Variants in ZNF254 observed in about 807,000 individuals in gnomAD.
The protein encoded by ZNF254 is zinc finger protein 254.
Under a neutral mutation model 12.4 loss-of-function variants are expected in ZNF254, and 10 were observed. That is an observed-to-expected ratio of 0.80 (90% CI 0.50 to 1.36). ZNF254 has a LOEUF of 1.36. Ranked by LOEUF, ZNF254 falls within the 40% of genes most tolerant of loss-of-function variation. ZNF254 has a pLI of 0.00. For missense variants in ZNF254, 996 were observed against 763.9 expected (o/e 1.30, Z -3.58); for synonymous variants, 305 against 253.4 (o/e 1.20, Z -1.93).
Position 24,126,319 on chromosome 19 carries a change from G to T in ZNF254, c.319G>T (p.Ala107Ser). 6.3e-7 allele frequency: 1 copy of T among 1,597,064 alleles called. No homozygotes were observed. The highest frequency in any genetic ancestry group is 8.5e-7 in the Non-Finnish European group (1 of 1,173,066). Residue 107 changes from alanine to serine, a missense_variant, in exon 4 of 4, where the codon GCA (alanine) becomes TCA (serine). Transcript: ENST00000357002. ...GGGCATGGAAGATTCTTTTCAAAAAGCAATACTGAGAAGATATGGAAAATA... is the reference window on the plus strand; with the variant it reads ...GGGCATGGAAGATTCTTTTCAAAAATCAATACTGAGAAGATATGGAAAATA... ...EQGMEDSFQK[A>S]ILRRYGKYGH...
chr19:24,119,590 G>A (rs1974343143), intron 3 of ZNF254, among the ~76,000 whole-genome samples: 2 of 151,986 alleles, frequency 1.3e-5, no homozygotes, highest in African/African-American at 4.8e-5. Flanking sequence ...CCCAAACTTA[G>A]AAGATTCTCT....
intron 3 of ZNF254, chr19:24,107,153 G>T: frequency 1.7e-6 from 1 of 588,796 alleles, no homozygotes; most frequent in Non-Finnish European, 3.0e-6. Flanking sequence ...CTTCTGCTTT[G>T]TTCTTTTTCC....
At chr19:24,080,109 G>A (rs1251588888) in intron 2 of ZNF254, 1 of 152,182 alleles carries the variant, frequency 6.6e-6, no homozygotes, top group East Asian at 1.9e-4. Context: ...AACTTCTCTG[G>A]AACAGCTTTG....
chr19:24,089,189 T>G (rs1340479275), intron 1 of ZNF254, among the ~76,000 whole-genome samples: 2 of 152,124 alleles, frequency 1.3e-5, no homozygotes, highest in Non-Finnish European at 2.9e-5. Context: ...TTGGTCAGGC[T>G]GGTCTCAAAC....
At position 24,127,775 on chromosome 19, in the gene ZNF254, A is replaced by G. The variant is rs538264341; in HGVS notation, c.1775A>G (p.His592Arg). The G allele has an allele frequency of 6.8e-6, 11 of 1,612,620 alleles. No homozygotes were observed. Among genetic ancestry groups the G allele is most frequent in the Middle Eastern group, 1.7e-4 (1 of 6,052 alleles). Residue 592 changes from histidine to arginine, a missense_variant, in exon 4 of 4, where the codon CAT becomes CGT. Physicochemically the swap from His to Arg is conservative, Grantham distance 29 (BLOSUM62 0). Coordinates refer to ENST00000357002, the MANE Select transcript of ZNF254 (RefSeq NM_203282.4). ...AACCGGTCTTCAACTTTTACTAAAC[A>G]TAAGGTAATTCATACTGGAGTAAAA... The part of the protein sequence containing the change: ...SFNRSSTFTK[H>R]KVIHTGVKPY...
chr19:24,057,854 A>G (rs10403038), intron 2 of ZNF254, among the ~76,000 whole-genome samples: 23,152 of 152,226 alleles, frequency 0.15, 2,772 homozygotes, highest in African/African-American at 0.33. Context: ...GATTTAACAT[A>G]CAGGAGGTGT....
At chr19:24,126,215 G>A in intron 3 of ZNF254, 39 bp from the exon 4 acceptor site, 1 of 1,318,746 alleles carries the variant, frequency 7.6e-7, no homozygotes, top group South Asian at 2.3e-5. Flanking sequence ...TGTGAGTCTA[G>A]TAAGTGGAGT....
chr19:24,048,306 C>A (rs1302509780), intron 2 of ZNF254, among the ~76,000 whole-genome samples: 1 of 152,166 alleles, frequency 6.6e-6, no homozygotes, highest in Non-Finnish European at 1.5e-5. Flanking sequence ...GAATAAGTTT[C>A]CAACGGGGAC....
Position 24,090,162 on chromosome 19 carries a change from C to T in ZNF254, c.30+2825C>T, listed in dbSNP as rs558637400. ...GCAGTGAGTGGATATCACGCCACTG[C>T]ACTCCAGCCTGGGCGACAGAGTGAG... On this transcript the variant is annotated intron_variant, in intron 1 of 3. Transcript: ENST00000357002. Among the ~76,000 whole-genome samples the T allele has an allele frequency of 2.6e-3, 394 of 152,164 alleles. 3 individuals are homozygous for T. In the Middle Eastern group the frequency reaches 0.038, roughly 15 times the overall value.
chr19:24,078,332 A>G (rs542850154), intron 2 of ZNF254: 5 of 152,240 alleles, frequency 3.3e-5, no homozygotes, highest in African/African-American at 9.6e-5. Context: ...CTTTAAAGAC[A>G]TTTACTTTCT....
intron 1 of ZNF254, among the ~76,000 whole-genome samples, chr19:24,093,847 T>A (rs2145699620): frequency 6.6e-6 from 1 of 152,296 alleles, no homozygotes; most frequent in African/African-American, 2.4e-5. Context: ...TTGATTAGAA[T>A]AGCATTAAAT....
At chr19:24,115,770 G>T (rs1386303060) in intron 3 of ZNF254, among the ~76,000 whole-genome samples, 1 of 152,148 alleles carries the variant, frequency 6.6e-6, no homozygotes, top group African/African-American at 2.4e-5. Flanking sequence ...CTCGTTAGTT[G>T]ATGCAGTGTC....
At chr19:24,084,220 A>G (rs1384519026), upstream of ZNF254, among the ~76,000 whole-genome samples, 5 of 149,542 alleles carry the variant, frequency 3.3e-5, no homozygotes, top group Non-Finnish European at 5.9e-5. Flanking sequence ...ATGCTACTCA[A>G]TCATAACAAG....
intron 1 of ZNF254, among the ~76,000 whole-genome samples, chr19:24,037,186 G>T (rs1266813026): frequency 2.6e-5 from 4 of 152,154 alleles, no homozygotes; most frequent in Admixed American, 1.3e-4. Flanking sequence ...ACGGGTCCTT[G>T]ATAGCACCTT....
upstream of ZNF254, among the ~76,000 whole-genome samples, chr19:24,085,203 A>C (rs1047049043): frequency 6.6e-6 from 1 of 151,528 alleles, no homozygotes; most frequent in African/African-American, 2.4e-5. Context: ...AAGTGCTGGG[A>C]CTACAGGCGT....
chr19:24,117,312 G>A (rs548557496), intron 3 of ZNF254, among the ~76,000 whole-genome samples: 38 of 152,282 alleles, frequency 2.5e-4, no homozygotes, highest in African/African-American at 8.9e-4. Flanking sequence ...GCCTACAGAG[G>A]CAGGCAGGCC....
intron 2 of ZNF254, among the ~76,000 whole-genome samples, chr19:24,057,202 T>C (rs1338677224): frequency 2.0e-5 from 3 of 152,210 alleles, no homozygotes; most frequent in African/African-American, 7.2e-5. Flanking sequence ...TATGCACACT[T>C]TGCCAATTGT....
At chr19:24,100,898 G>C (rs1972986147) in intron 1 of ZNF254, among the ~76,000 whole-genome samples, 1 of 150,680 alleles carries the variant, frequency 6.6e-6, no homozygotes, top group Non-Finnish European at 1.5e-5. Context: ...CTTGATCTTG[G>C]CTCACTGCAA....
At chr19:24,064,311 G>T (rs569224413) in intron 2 of ZNF254, among the ~76,000 whole-genome samples, 2 of 152,178 alleles carry the variant, frequency 1.3e-5, no homozygotes, top group South Asian at 4.1e-4. Context: ...GTATCTCTAG[G>T]CTTCTCACCT....
Sources: allele counts gnomAD v4.1 joint callset (sites outside exome capture counted in the v4.1 genomes callset), GRCh38; gene constraint gnomAD v4.1.1; transcripts MANE v1.5; gene names NCBI Gene and HGNC (gene_info 2026-07-23, HGNC 2026-07-21).